Variants in ITGBL1 observed in about 807,000 individuals in gnomAD.
ITGBL1 encodes integrin subunit beta like 1.
A neutral mutation model predicts 68.5 loss-of-function variants in ITGBL1; 51 were observed. The observed-to-expected ratio is 0.74, with a 90% CI of 0.59 to 0.94. ITGBL1 has a LOEUF of 0.94. Among genes scored for constraint, ITGBL1 ranks in the 40% least tolerant of loss-of-function variants. The pLI, the probability that ITGBL1 is intolerant of heterozygous loss-of-function variation, is 0.00. For synonymous variants in ITGBL1, 209 were observed against 227.3 expected (o/e 0.92, Z 0.72); for missense variants, 649 against 647.4 (o/e 1.00, Z -0.03).
At chr13:101,606,768 T>C (rs2139357256) in intron 7 of ITGBL1, among the ~76,000 whole-genome samples, 1 of 152,108 alleles carries the variant, frequency 6.6e-6, no homozygotes, top group East Asian at 1.9e-4. Context: ...GAGAAACCTC[T>C]ATTAATCCAC....
At chr13:101,661,219 A>G (rs2033080648) in intron 7 of ITGBL1, among the ~76,000 whole-genome samples, 1 of 151,804 alleles carries the variant, frequency 6.6e-6, no homozygotes, top group South Asian at 2.1e-4. Context: ...ACTTTGGTTC[A>G]TGGTGGTTTG....
chr13:101,492,071 T>C (rs570992010), intron 2 of ITGBL1, among the ~76,000 whole-genome samples: 2 of 152,220 alleles, frequency 1.3e-5, no homozygotes, highest in Non-Finnish European at 2.9e-5. Context: ...TTTGCTATTG[T>C]GAATAGTGCT....
Position 101,635,010 on chromosome 13 carries a change from C to T in ITGBL1, c.1015+36711C>T, listed in dbSNP as rs958226007. Among the ~76,000 whole-genome samples the T allele has an allele frequency of 4.8e-5, 7 of 146,776 alleles. 1 individual carries two copies. Among genetic ancestry groups the T allele is most frequent in the South Asian group, 4.3e-4 (2 of 4,640 alleles). On this transcript the variant is annotated intron_variant, in intron 7 of 10. Transcript: ENST00000376180. ...TAGGCAATTATGCTCAATTTCAATT[C>T]GAATTTCCTTTTTTTTTAGCTTTAT...
At chr13:101,630,921 T>A (rs2031957504) in intron 7 of ITGBL1, among the ~76,000 whole-genome samples, 1 of 152,218 alleles carries the variant, frequency 6.6e-6, no homozygotes, top group Non-Finnish European at 1.5e-5. Flanking sequence ...TCTTTTAGTG[T>A]TTCTGCTAAA....
Position 101,453,008 on chromosome 13 carries a change from C to G in ITGBL1, c.98+77C>G. Reference sequence around the variant, plus strand: ...GGGCTCAAGCTTGCAGGATGGCTGCCCTAAGCCAAGAGCTGTTATTAAATT... The same window carrying G: ...GGGCTCAAGCTTGCAGGATGGCTGCGCTAAGCCAAGAGCTGTTATTAAATT... On this transcript the variant is annotated intron_variant, in intron 1 of 10. Coordinates refer to ENST00000376180, the MANE Select transcript of ITGBL1 (RefSeq NM_004791.3). 5 of 1,203,330 alleles carry G rather than the reference C, an allele frequency of 4.2e-6. No individual in the cohort carries two copies. In the South Asian group the frequency reaches 6.1e-5, roughly 15 times the overall value. 74.5% of individuals were successfully genotyped at this position (1,203,330 alleles called of 1,614,324 possible).
intron 7 of ITGBL1, among the ~76,000 whole-genome samples, chr13:101,638,147 C>G (rs932538378): frequency 6.6e-6 from 1 of 152,142 alleles, no homozygotes; most frequent in African/African-American, 2.4e-5. Flanking sequence ...ACTTCTCATG[C>G]TTTGGAAGCT....
At chr13:101,671,437 G>GTTTTTTTTTTT (rs1491455482) in intron 7 of ITGBL1, among the ~76,000 whole-genome samples, 21 of 102,800 alleles carry the variant, frequency 2.0e-4, no homozygotes, top group Non-Finnish European at 3.2e-4. Context: ...TTTTTTTTTT[G>GTTTTTTTTTTT]TTTTTTTTTG....
At chr13:101,705,877 T>C (rs1024606601) in intron 8 of ITGBL1, among the ~76,000 whole-genome samples, 8 of 112,778 alleles carry the variant, frequency 7.1e-5, no homozygotes, top group Non-Finnish European at 1.5e-4. Context: ...CCCTAGTGCA[T>C]AGCAAAATGC....
chr13:101,640,518 G>C (rs1239982600), intron 7 of ITGBL1, among the ~76,000 whole-genome samples: 1 of 152,028 alleles, frequency 6.6e-6, no homozygotes, highest in Non-Finnish European at 1.5e-5. Context: ...TTTACTTCTA[G>C]AAGTCTATTT....
At chr13:101,643,618 C>T (rs1478703917) in intron 7 of ITGBL1, among the ~76,000 whole-genome samples, 2 of 152,022 alleles carry the variant, frequency 1.3e-5, no homozygotes, top group African/African-American at 4.8e-5. Context: ...AAGTCTAGGA[C>T]TTCATTTTCT....
At chr13:101,485,635 A>G (rs2048690626) in intron 2 of ITGBL1, among the ~76,000 whole-genome samples, 1 of 152,118 alleles carries the variant, frequency 6.6e-6, no homozygotes, top group South Asian at 2.1e-4. Flanking sequence ...TACTAAAAAT[A>G]CAAAAAATTA....
intron 5 of ITGBL1, among the ~76,000 whole-genome samples, 167 bp downstream of exon 5, chr13:101,579,594 T>G (rs1022545732): frequency 6.6e-6 from 1 of 152,212 alleles, no homozygotes; most frequent in Non-Finnish European, 1.5e-5. Flanking sequence ...TCTGTCTTGT[T>G]TTTTATTGAG....
chr13:101,603,602 T>C (rs886914105), intron 7 of ITGBL1, among the ~76,000 whole-genome samples: 8 of 151,828 alleles, frequency 5.3e-5, no homozygotes, highest in African/African-American at 1.9e-4. Flanking sequence ...AATTTTACAT[T>C]ATTATTTTAC....
intron 2 of ITGBL1, among the ~76,000 whole-genome samples, chr13:101,487,696 C>T (rs76578972): frequency 6.6e-6 from 1 of 152,128 alleles, no homozygotes; most frequent in Non-Finnish European, 1.5e-5. Context: ...CCAGTGTCCT[C>T]GGTGAATCTC....
chr13:101,536,781 A>G (rs1220288679), intron 2 of ITGBL1, among the ~76,000 whole-genome samples: 1 of 152,006 alleles, frequency 6.6e-6, no homozygotes, highest in Non-Finnish European at 1.5e-5. Context: ...ATACCTTTCA[A>G]TACAGAAGAT....
chr13:101,656,176 T>C (rs1386690382), intron 7 of ITGBL1, among the ~76,000 whole-genome samples: 2 of 152,190 alleles, frequency 1.3e-5, no homozygotes, highest in Admixed American at 6.5e-5. Context: ...TAAGAGACTG[T>C]GGAGACCAAG....
intron 2 of ITGBL1, among the ~76,000 whole-genome samples, chr13:101,479,677 A>T (rs575022167): frequency 6.6e-6 from 1 of 152,128 alleles, no homozygotes; most frequent in African/African-American, 2.4e-5. Flanking sequence ...TTTTGAAGAC[A>T]TACAAATAGC....
intron 6 of ITGBL1, among the ~76,000 whole-genome samples, chr13:101,593,180 A>G (rs2050684942): frequency 6.6e-6 from 1 of 152,078 alleles, no homozygotes; most frequent in Non-Finnish European, 1.5e-5. Context: ...TGTCAGGGAA[A>G]TGCAAATCAA....
intron 2 of ITGBL1, among the ~76,000 whole-genome samples, chr13:101,506,731 G>A (rs539478214): frequency 8.3e-4 from 126 of 152,282 alleles, no homozygotes; most frequent in African/African-American, 2.8e-3. Context: ...TATTTCCTGT[G>A]ACTTGCATTT....
Sources: gnomAD v4.1 joint callset for allele counts (sites outside exome capture counted in the v4.1 genomes callset) on GRCh38, gnomAD v4.1.1 for gene constraint, MANE v1.5 for transcripts, NCBI Gene and HGNC (gene_info 2026-07-23, HGNC 2026-07-21) for gene names.